DIAPH2: variants seen among roughly 807,000 people sequenced by gnomAD.
The protein encoded by DIAPH2 is protein diaphanous homolog 2.
A neutral mutation model predicts 92.7 loss-of-function variants in DIAPH2; 35 were observed. That is an observed-to-expected ratio of 0.38 (90% CI 0.29 to 0.50). The LOEUF (loss-of-function observed/expected upper bound fraction) is 0.50, where lower values mean the gene tolerates loss of function less well. Ranked by LOEUF, DIAPH2 falls within the 20% of genes least tolerant of loss-of-function variation. DIAPH2 has a pLI of 0.94. For missense variants in DIAPH2, 701 were observed against 819.5 expected, an observed-to-expected ratio of 0.86 and a Z score of 1.77; for synonymous variants, 301 against 280.4, an observed-to-expected ratio of 1.07 and a Z score of -0.73.
chrX:97,209,487 G>A (rs2067822891), intron 22 of DIAPH2, among the ~76,000 whole-genome samples: 1 of 111,290 alleles, frequency 9.0e-6, no homozygotes, highest in Non-Finnish European at 1.9e-5. Context: ...CTATGACTCT[G>A]AATGAAAAAT....
At chrX:97,291,828 G>A (rs1044585666) in intron 23 of DIAPH2, among the ~76,000 whole-genome samples, 7 of 111,298 alleles carry the variant, frequency 6.3e-5, no homozygotes, top group African/African-American at 2.3e-4. Context: ...ATGAGCCACC[G>A]GGCCCAGCAA....
chrX:97,023,401 C>T (rs966717742), intron 17 of DIAPH2, among the ~76,000 whole-genome samples: 4 of 111,525 alleles, frequency 3.6e-5, no homozygotes, highest in Admixed American at 2.9e-4. Context: ...TTGCTATGTA[C>T]CAGACACTGC....
rs780294831 is a variant in DIAPH2, at chrX:97,348,151, ACT to A, written c.2884_2885del (p.Ser962HisfsTer11). The A allele has an allele frequency of 8.3e-7, 1 of 1,209,926 alleles. No homozygotes were observed. Among genetic ancestry groups the A allele is most frequent in the Admixed American group, 2.2e-5 (1 of 45,738 alleles). On this transcript the variant is annotated frameshift_variant, in exon 24 of 27. Transcript: ENST00000324765. LOFTEE classifies it high-confidence loss of function. Reference sequence around the variant, plus strand: ...AGACTGCCCGAGAACAGTATGAAAAACTCTCCACCATGCACAACAACATGATG... The same window carrying A: ...AGACTGCCCGAGAACAGTATGAAAAACTCCACCATGCACAACAACATGATG... The part of the protein sequence containing the change: ...TKTAREQYEK[L>X]STMHNNMMKL...
chrX:96,888,066 CT>C (rs1212912345), intron 5 of DIAPH2, among the ~76,000 whole-genome samples: 68 of 101,869 alleles, frequency 6.7e-4, no homozygotes, highest in East Asian at 4.6e-3. Flanking sequence ...TTCTCTCTCT[CT>C]TTTTTTTTTT....
chrX:97,032,534 A>T (rs1328795680), intron 17 of DIAPH2, among the ~76,000 whole-genome samples: 2 of 110,090 alleles, frequency 1.8e-5, no homozygotes, highest in Admixed American at 2.0e-4. Flanking sequence ...ATAGCTATTA[A>T]TAATAATAGC....
intron 23 of DIAPH2, among the ~76,000 whole-genome samples, chrX:97,327,166 T>A (rs1165867792): frequency 1.8e-5 from 2 of 111,565 alleles, no homozygotes; most frequent in African/African-American, 3.3e-5. Flanking sequence ...TGGCGCCATC[T>A]CTGCTCACTG....
chrX:97,038,344 C>T (rs969828499), intron 17 of DIAPH2, among the ~76,000 whole-genome samples: 30 of 110,870 alleles, frequency 2.7e-4, no homozygotes, highest in Middle Eastern at 4.3e-3. Context: ...GGTATCTTTT[C>T]GATATGACTT....
intron 1 of DIAPH2, among the ~76,000 whole-genome samples, chrX:96,712,263 CCTT>C (rs1283411742): frequency 9.0e-6 from 1 of 111,119 alleles, no homozygotes; most frequent in Non-Finnish European, 1.9e-5. Flanking sequence ...CGTTGTTGCT[CCTT>C]CTTTTGTGGA....
intron 1 of DIAPH2, among the ~76,000 whole-genome samples, chrX:96,702,648 T>C (rs1004778332): frequency 3.6e-5 from 4 of 112,172 alleles, no homozygotes; most frequent in Admixed American, 9.4e-5. Flanking sequence ...GAGAAAAATA[T>C]GCATATCTCA....
At chrX:97,286,401 C>G (rs2068543655) in intron 23 of DIAPH2, among the ~76,000 whole-genome samples, 1 of 111,057 alleles carries the variant, frequency 9.0e-6, no homozygotes, top group African/African-American at 3.3e-5. Context: ...TAGTAGCAAT[C>G]TAAACTCTCG....
intron 4 of DIAPH2, among the ~76,000 whole-genome samples, chrX:96,864,197 A>C (rs1481450541): frequency 8.9e-6 from 1 of 111,829 alleles, no homozygotes. Context: ...ATAACTTAGA[A>C]CGTGAAGTCC....
chrX:97,099,996 C>T (rs2066895629), intron 20 of DIAPH2, among the ~76,000 whole-genome samples: 3 of 111,240 alleles, frequency 2.7e-5, no homozygotes, highest in Admixed American at 9.6e-5. Flanking sequence ...ATAAAATATT[C>T]GCATTCATAA....
intron 4 of DIAPH2, among the ~76,000 whole-genome samples, chrX:96,812,770 T>C (rs780952803): frequency 3.1e-4 from 35 of 112,009 alleles, no homozygotes; most frequent in African/African-American, 1.0e-3. Context: ...GCCTTCATTT[T>C]GTTATGTACC....
At chrX:97,175,245 A>G (rs903580397) in intron 22 of DIAPH2, among the ~76,000 whole-genome samples, 1 of 111,598 alleles carries the variant, frequency 9.0e-6, no homozygotes, top group Admixed American at 9.6e-5. Flanking sequence ...ATTGAAGAAA[A>G]TAATCATTAA....
intron 17 of DIAPH2, among the ~76,000 whole-genome samples, chrX:96,991,266 C>T (rs1191746925): frequency 9.1e-6 from 1 of 110,090 alleles, no homozygotes; most frequent in Non-Finnish European, 1.9e-5. Context: ...AGATGCACGC[C>T]AACATGTCTC....
At chrX:97,232,466 A>G (rs750562172) in intron 22 of DIAPH2, among the ~76,000 whole-genome samples, 4 of 111,444 alleles carry the variant, frequency 3.6e-5, no homozygotes, top group Non-Finnish European at 7.5e-5. Context: ...AACTCAGGTG[A>G]TCTGCCTGCC....
chrX:96,942,141 G>A lies in DIAPH2; in HGVS notation c.1444+5G>A. 1 of 1,035,439 alleles carries A rather than the reference G, an allele frequency of 9.7e-7. No individual in the cohort carries two copies. Among genetic ancestry groups the A allele is most frequent in the Non-Finnish European group, 1.4e-6 (1 of 736,705 alleles). The allele number at this position is 1,035,439 out of a possible 1,213,427, so 85.3% of individuals were successfully genotyped here. A position where few individuals can be genotyped will look rare whatever the true frequency, so the allele number is the denominator to read the frequency against. On this transcript the variant is annotated splice_donor_5th_base_variant and intron_variant, in intron 13 of 26. Transcript: ENST00000324765. ...TCGATTTAACTCATCTGATAGGTAT[G>A]TATCATAATCCTCATTGTCCTCTGA...
intron 17 of DIAPH2, among the ~76,000 whole-genome samples, chrX:96,981,895 T>C (rs762200615): frequency 4.8e-4 from 54 of 111,692 alleles, no homozygotes; most frequent in African/African-American, 1.6e-3. Context: ...AGGGTATTAA[T>C]ACATGAATTT....
chrX:97,305,353 C>T (rs1354971986), intron 23 of DIAPH2, among the ~76,000 whole-genome samples: 2 of 109,897 alleles, frequency 1.8e-5, no homozygotes, highest in South Asian at 3.9e-4. Context: ...ATTAGCTGGG[C>T]GTGGTGGCGG....
Sources: gnomAD v4.1 joint callset for allele counts (sites outside exome capture counted in the v4.1 genomes callset) on GRCh38, gnomAD v4.1.1 for gene constraint, MANE v1.5 for transcripts, NCBI Gene and HGNC (gene_info 2026-07-23, HGNC 2026-07-21) for gene names.